The following PKD1L3 variants were observed in gnomAD, a reference collection of about 807,000 sequenced individuals.
PKD1L3 encodes polycystin 1 like 3, transient receptor potential channel interacting.
In PKD1L3, 239 loss-of-function variants were observed where a neutral mutation model predicts 184.1. That is an observed-to-expected ratio of 1.30 (90% CI 1.17 to 1.45). PKD1L3 has a LOEUF of 1.45. Among genes scored for constraint, PKD1L3 ranks in the 40% most tolerant of loss-of-function variants. The pLI, the probability that PKD1L3 is intolerant of heterozygous loss-of-function variation, is 0.00. For synonymous variants in PKD1L3, 996 were observed against 778.8 expected (o/e 1.28, Z -4.64); for missense variants, 2,660 against 2,067.2 (o/e 1.29, Z -5.56).
In PKD1L3 at chr16:71,961,057, A is replaced by G. The variant is rs1030673474; in HGVS notation, c.2612+2148T>C. 2.0e-5 allele frequency among the ~76,000 whole-genome samples: 3 copies of G among 152,122 alleles called. No individual in the cohort carries two copies. In the East Asian group the frequency reaches 5.8e-4, roughly 29 times the overall value. Reference sequence around the variant, plus strand: ...TATATTTTTGGTTTGTTTTTTAGAGACAGGATCTCATTTTTTTTTTCCCAC... The same window carrying G: ...TATATTTTTGGTTTGTTTTTTAGAGGCAGGATCTCATTTTTTTTTTCCCAC... On this transcript the variant is annotated intron_variant, in intron 16 of 29. Transcript: ENST00000620267.
chr16:71,932,308 T>G (rs1391707205), intron 28 of PKD1L3, among the ~76,000 whole-genome samples: 2 of 152,214 alleles, frequency 1.3e-5, no homozygotes, highest in African/African-American at 4.8e-5. Flanking sequence ...TGGAGCCCAG[T>G]GCCTCATTTG....
At position 71,945,295 on chromosome 16, in the gene PKD1L3, TATATATATATAC is replaced by T. The variant is rs1299759451; in HGVS notation, c.3719-1137_3719-1126del. ...ATATATATATATATATATATATATA[TATATATATATAC>T]ACACACACACACACATATATACACA... On this transcript the variant is annotated intron_variant, in intron 22 of 29. Transcript: ENST00000620267. Among the ~76,000 whole-genome samples, 681 of 68,320 alleles carry T rather than the reference TATATATATATAC, an allele frequency of 1.0e-2. 5 individuals carry two copies. Among genetic ancestry groups the T allele is most frequent in the Middle Eastern group, 0.018 (3 of 166 alleles). 44.8% of individuals were successfully genotyped at this position (68,320 alleles called of 152,430 possible).
At position 71,973,397 on chromosome 16, in the gene PKD1L3, G is replaced by A. The variant is rs777422869; in HGVS notation, c.1880C>T (p.Ser627Leu). The stretch of plus-strand genomic sequence containing the variant: ...ACACTGAGTGACGGCGGTGATGACC[G>A]AGACCAAGCTGGGTGTCTGCTGAGC... The part of the protein sequence containing the change: ...EGAQQTPSLV[S>L]VITAVTQCYY... The change falls in exon 12 of 30, where the codon TCG (serine) becomes TTG (leucine). Residue 627 changes from serine (S) to leucine (L), a missense_variant. By Grantham distance (145) the Ser-to-Leu change is moderately radical (BLOSUM62 -2). Transcript: ENST00000620267. The A allele has an allele frequency of 7.1e-6, 11 of 1,551,462 alleles. No homozygotes were observed. The highest frequency in any genetic ancestry group is 1.7e-4 in the Middle Eastern group (1 of 6,012).
At chr16:71,985,468 G>T (rs900091445) in intron 5 of PKD1L3, among the ~76,000 whole-genome samples, 3 of 152,150 alleles carry the variant, frequency 2.0e-5, no homozygotes, top group Admixed American at 1.3e-4. Flanking sequence ...CCAGCCTACA[G>T]TATACAGTGG....
At position 71,980,004 on chromosome 16, in the gene PKD1L3, A is replaced by G; in HGVS notation, c.1271+3T>C. The G allele has an allele frequency of 6.4e-7, 1 of 1,552,054 alleles. No individual in the cohort carries two copies. The highest frequency in any genetic ancestry group is 8.7e-7 in the Non-Finnish European group (1 of 1,147,074). ...ACTCTCCCCGTTCCTTCTTCCCATT[A>G]ACCTGCTCAGCAGCAGAGTAGCATT... On this transcript the variant is annotated splice_donor_region_variant and intron_variant, in intron 8 of 29. Transcript: ENST00000620267.
chr16:71,956,673 G>T (rs2039062090), intron 16 of PKD1L3, among the ~76,000 whole-genome samples: 1 of 152,098 alleles, frequency 6.6e-6, no homozygotes, highest in Non-Finnish European at 1.5e-5. Flanking sequence ...GAAGGGGGAG[G>T]GAACAGGAAG....
At position 71,937,292 on chromosome 16, in the gene PKD1L3, C is replaced by T. The variant is rs564665872; in HGVS notation, c.4452G>A (p.Gln1484=). 2 of 1,550,466 alleles carry T rather than the reference C, an allele frequency of 1.3e-6. No individual in the cohort carries two copies. The highest frequency in any genetic ancestry group is 2.4e-5 in the East Asian group (1 of 40,896). The change falls in exon 25 of 30, where the codon CAG becomes CAA. Residue 1484 remains glutamine (Q), a splice_region_variant and synonymous_variant. Coordinates refer to ENST00000620267, the MANE Select transcript of PKD1L3 (RefSeq NM_181536.2). The part of the protein sequence containing the change: ...YLLVCYYAFI[Q]GCQLKQQKWR... ...CTGACATCTAACATTATTGACTCAC[C>T]TGTATGAAGGCATAGTAACAGACCA...
At position 71,935,428 on chromosome 16, in the gene PKD1L3, G is replaced by A; in HGVS notation, c.4543C>T (p.Leu1515=). The A allele has an allele frequency of 1.3e-6, 2 of 1,552,008 alleles. No individual in the cohort carries two copies. The highest frequency in any genetic ancestry group is 1.7e-4 in the Middle Eastern group (1 of 5,994). The stretch of plus-strand genomic sequence containing the variant: ...GAAATACTCTTCATGTCAAGCCCCA[G>A]GAGGATGAAGCTAATGAGGATTATA... ...TSIILISFIL[L]GLDMKSISLH... The change falls in exon 26 of 30, where the codon CTG becomes TTG. Residue 1515 remains leucine, a synonymous_variant. Transcript: ENST00000620267.
chr16:71,972,774 C>G (rs888740141), intron 12 of PKD1L3, among the ~76,000 whole-genome samples: 1 of 152,188 alleles, frequency 6.6e-6, no homozygotes, highest in Non-Finnish European at 1.5e-5. Flanking sequence ...TTTGCAAGAC[C>G]TTACACCACA....
At chr16:71,964,878 G>A (rs1006468390) in intron 15 of PKD1L3, among the ~76,000 whole-genome samples, 1 of 135,388 alleles carries the variant, frequency 7.4e-6, no homozygotes, top group Non-Finnish European at 1.6e-5. Flanking sequence ...GCAGGATCTT[G>A]CTCTGTTGCC....
Position 71,980,341 on chromosome 16 carries a change from G to A in PKD1L3, c.1144-207C>T, listed in dbSNP as rs577107526. On this transcript the variant is annotated intron_variant, in intron 7 of 29. Coordinates refer to ENST00000620267, the MANE Select transcript of PKD1L3 (RefSeq NM_181536.2). ...CCTTTGAACCAAACTAAGAGGGCTG[G>A]CCAAGGAAATATGCCTTTGCCCCAT... 6.6e-5 allele frequency among the ~76,000 whole-genome samples: 10 copies of A among 152,242 alleles called. No homozygotes were observed. In the South Asian group the frequency reaches 2.1e-3, roughly 32 times the overall value.
chr16:71,994,325 T>C (rs1170748803), intron 2 of PKD1L3, among the ~76,000 whole-genome samples: 2 of 152,090 alleles, frequency 1.3e-5, no homozygotes, highest in Non-Finnish European at 2.9e-5. Context: ...CATTCTTAGG[T>C]CAGGTGATAA....
Position 71,993,231 on chromosome 16 carries a change from C to G in PKD1L3, c.520G>C (p.Asp174His). Residue 174 changes from aspartate to histidine, a missense_variant, in exon 3 of 30, where the codon GAC becomes CAC. Transcript: ENST00000620267. Reference protein sequence around the residue: ...KTKRGVAIARDKMPPGPGHLP... With the variant: ...KTKRGVAIARHKMPPGPGHLP... ...AACGCATTACCTGGGGGCATTTTGT[C>G]TCTTGCTATTGCAACTCCTCTTTTT... 6 of 1,547,510 alleles carry G rather than the reference C, an allele frequency of 3.9e-6. No homozygotes were observed. Among genetic ancestry groups the G allele is most frequent in the Non-Finnish European group, 5.2e-6 (6 of 1,144,762 alleles).
intron 9 of PKD1L3, among the ~76,000 whole-genome samples, chr16:71,979,313 C>A (rs1199392059): frequency 6.6e-6 from 1 of 151,902 alleles, no homozygotes; most frequent in African/African-American, 2.4e-5. Flanking sequence ...GCATGGTGGC[C>A]CATGCCTGTA....
At chr16:71,951,055 T>G (rs1424380775) in intron 19 of PKD1L3, among the ~76,000 whole-genome samples, 2 of 151,462 alleles carry the variant, frequency 1.3e-5, no homozygotes, top group Non-Finnish European at 2.9e-5. Flanking sequence ...TGTTTTTTTC[T>G]TTTTTCAAGA....
In PKD1L3 at chr16:71,975,177, T is replaced by C. The variant is rs140638990; in HGVS notation, c.1760-1660A>G. Among the ~76,000 whole-genome samples, 418 of 151,790 alleles carry C rather than the reference T, an allele frequency of 2.8e-3. 3 individuals carry two copies. The highest frequency in any genetic ancestry group is 9.0e-3 in the African/African-American group (371 of 41,426). On this transcript the variant is annotated intron_variant, in intron 11 of 29. Coordinates refer to ENST00000620267, the MANE Select transcript of PKD1L3 (RefSeq NM_181536.2). ...CTCAAGCAATCCTCTTGCCTCAGCC[T>C]CCCAAGTAGTTAGGACTACAGGTGC...
At chr16:71,976,818 C>T (rs1198165769) in intron 11 of PKD1L3, among the ~76,000 whole-genome samples, 1 of 152,040 alleles carries the variant, frequency 6.6e-6, no homozygotes, top group Non-Finnish European at 1.5e-5. Context: ...TGTCAGCTCA[C>T]TGCAAGCTCC....
Position 71,976,788 on chromosome 16 carries a change from G to A in PKD1L3, c.1759+448C>T, listed in dbSNP as rs926136291. ...GACGGAGTCTGTCTCTGTCTCCCAGGCTGGAGTGCAGTGGCACGGTGTCAG... is the reference window on the plus strand; with the variant it reads ...GACGGAGTCTGTCTCTGTCTCCCAGACTGGAGTGCAGTGGCACGGTGTCAG... On this transcript the variant is annotated intron_variant, in intron 11 of 29. Transcript: ENST00000620267. Among the ~76,000 whole-genome samples the A allele has an allele frequency of 4.4e-4, 67 of 152,124 alleles. 1 individual carries two copies. The highest frequency in any genetic ancestry group is 1.4e-3 in the African/African-American group (58 of 41,506).
chr16:71,945,770 A>G (rs2038580246), intron 22 of PKD1L3, among the ~76,000 whole-genome samples: 2 of 152,096 alleles, frequency 1.3e-5, no homozygotes, highest in African/African-American at 4.8e-5. Context: ...GTGAAGAGTG[A>G]GCAAATAAAT....
Sources: allele counts gnomAD v4.1 joint callset (sites outside exome capture counted in the v4.1 genomes callset), GRCh38; gene constraint gnomAD v4.1.1; transcripts MANE v1.5; gene names NCBI Gene and HGNC (gene_info 2026-07-23, HGNC 2026-07-21).